PCDHA1: variants seen among roughly 807,000 people sequenced by gnomAD.
The protein encoded by PCDHA1 is protocadherin alpha-1.
In PCDHA1, 42 loss-of-function variants were observed where a neutral mutation model predicts 61.3. The observed-to-expected ratio is 0.69, with a 90% confidence interval of 0.54 to 0.89. The LOEUF (loss-of-function observed/expected upper bound fraction) is 0.89, where lower values mean the gene tolerates loss of function less well. Ranked by LOEUF, PCDHA1 falls within the 40% of genes least tolerant of loss-of-function variation. PCDHA1 has a pLI of 0.00. For missense variants in PCDHA1, 1,256 were observed against 1,235.3 expected, an observed-to-expected ratio of 1.02 and a Z score of -0.25; for synonymous variants, 610 against 553.8, an observed-to-expected ratio of 1.10 and a Z score of -1.43.
At chr5:140,864,304 A>G (rs2048411725) in intron 1 of PCDHA1, 1 of 152,230 alleles carries the variant, frequency 6.6e-6, no homozygotes, top group East Asian at 1.9e-4. Flanking sequence ...CAAAAATACC[A>G]TGACAATATT....
chr5:140,903,642 A>G (rs1583499752), intron 1 of PCDHA1, among the ~76,000 whole-genome samples: 2 of 152,374 alleles, frequency 1.3e-5, no homozygotes, highest in East Asian at 3.8e-4. Context: ...CATATACCAT[A>G]TACATATATT....
chr5:140,973,590 A>G (rs562109843), intron 1 of PCDHA1, among the ~76,000 whole-genome samples: 3 of 152,340 alleles, frequency 2.0e-5, no homozygotes, highest in Non-Finnish European at 4.4e-5. Context: ...GCTGAGCCAG[A>G]TGGAATTATG....
chr5:140,873,624 A>G lies in PCDHA1; in HGVS notation c.2394+84940A>G, dbSNP rs562277902. On this transcript the variant is annotated intron_variant, in intron 1 of 3. Transcript: ENST00000504120. The stretch of plus-strand genomic sequence containing the variant: ...TTCCTATTGGCTTAACAATTTGTTT[A>G]GGTCAAAGAGTATGTGAGAACTACA... Among the ~76,000 whole-genome samples the G allele has an allele frequency of 2.6e-5, 4 of 152,192 alleles. No homozygotes were observed. In the South Asian group the frequency reaches 8.3e-4, roughly 32 times the overall value.
intron 1 of PCDHA1, among the ~76,000 whole-genome samples, chr5:140,940,027 G>A (rs1554213088): frequency 6.6e-6 from 1 of 152,058 alleles, no homozygotes; most frequent in Non-Finnish European, 1.5e-5. Context: ...TATGTTTTAA[G>A]GCTATTTTAT....
intron 1 of PCDHA1, among the ~76,000 whole-genome samples, chr5:140,904,135 G>A (rs1310606905): frequency 6.6e-5 from 10 of 151,986 alleles, no homozygotes; most frequent in Non-Finnish European, 1.0e-4. Context: ...CCCATCACCC[G>A]AGCAGTATAC....
intron 1 of PCDHA1, chr5:140,870,490 G>A (rs372818492): frequency 7.8e-5 from 126 of 1,614,116 alleles, no homozygotes; most frequent in Non-Finnish European, 1.1e-4. Context: ...CACCGTGTTC[G>A]TGAAGGAGAA....
intron 1 of PCDHA1, chr5:140,870,813 C>A: frequency 3.7e-6 from 6 of 1,613,700 alleles, no homozygotes; most frequent in Non-Finnish European, 5.1e-6. Context: ...CTCAGGCTGG[C>A]AGCGCGGGAG....
rs2041307506 is a variant in PCDHA1 at position 140,850,030 on chromosome 5, C to A, written c.2394+61346C>A. 3.8e-6 allele frequency: 6 copies of A among 1,596,712 alleles called. 2 individuals carry two copies. The highest frequency in any genetic ancestry group is 5.1e-6 in the Non-Finnish European group (6 of 1,167,808). On this transcript the variant is annotated intron_variant, in intron 1 of 3. Coordinates refer to ENST00000504120, the MANE Select transcript of PCDHA1 (RefSeq NM_018900.4). ...CTGTCGAGCTACGTGTCAGTGCACG[C>A]GGAGAGCGGCAAGGTGTACGCGCTG...
chr5:140,869,176 G>C lies in PCDHA1; in HGVS notation c.2394+80492G>C, dbSNP rs200962401. The C allele has an allele frequency of 2.8e-5, 45 of 1,613,986 alleles. No individual in the cohort carries two copies. The East Asian group carries it at 9.6e-4, about 34-fold the overall frequency. On this transcript the variant is annotated intron_variant, in intron 1 of 3. Coordinates refer to ENST00000504120, the MANE Select transcript of PCDHA1 (RefSeq NM_018900.4). Reference sequence around the variant, plus strand: ...CTGGCTTCTCCTCCTCGAATTCTGGGAGGTGGGGAGCGGCCAGCTCCACTA... The same window carrying C: ...CTGGCTTCTCCTCCTCGAATTCTGGCAGGTGGGGAGCGGCCAGCTCCACTA...
At chr5:140,876,082 C>A in intron 1 of PCDHA1, 1 of 1,613,932 alleles carries the variant, frequency 6.2e-7, no homozygotes, top group Non-Finnish European at 8.5e-7. Context: ...GGACAGAGAG[C>A]AAACGCCAAA....
chr5:140,883,091 G>T, intron 1 of PCDHA1: 1 of 1,614,112 alleles, frequency 6.2e-7, no homozygotes, highest in Non-Finnish European at 8.5e-7. Context: ...TGGTACAAAT[G>T]GAGATATAGT....
At chr5:140,966,687 G>A in intron 1 of PCDHA1, 1 of 1,340,546 alleles carries the variant, frequency 7.5e-7, no homozygotes, top group East Asian at 2.9e-5. Flanking sequence ...ACGAGCGGAG[G>A]CGGGGCCCGG....
chr5:140,971,652 G>A (rs1554233517), intron 1 of PCDHA1, among the ~76,000 whole-genome samples: 1 of 152,134 alleles, frequency 6.6e-6, no homozygotes, highest in African/African-American at 2.4e-5. Context: ...ATTAAAAGTA[G>A]ATGGGAATTA....
chr5:140,868,277 C>T (rs1261614987), intron 1 of PCDHA1: 2 of 151,614 alleles, frequency 1.3e-5, no homozygotes, highest in Non-Finnish European at 2.9e-5. Flanking sequence ...TTAAAACTAC[C>T]AAGTTTGAGA....
chr5:140,855,491 A>AAG, intron 1 of PCDHA1, among the ~76,000 whole-genome samples: 1 of 149,140 alleles, frequency 6.7e-6, no homozygotes, highest in South Asian at 2.1e-4. Context: ...TTAGTGTCTA[A>AAG]ATAAACCTTA....
At chr5:140,903,545 CTT>C (rs1410531246) in intron 1 of PCDHA1, among the ~76,000 whole-genome samples, 2 of 152,130 alleles carry the variant, frequency 1.3e-5, no homozygotes, top group East Asian at 3.8e-4. Flanking sequence ...GAGCAAGAAA[CTT>C]TTCTAATAAG....
Position 140,917,330 on chromosome 5 carries a change from A to AG in PCDHA1, c.2395-61611dup, listed in dbSNP as rs1425400137. Among the ~76,000 whole-genome samples the AG allele has an allele frequency of 2.5e-4, 26 of 103,228 alleles. 2 individuals carry two copies. The highest frequency in any genetic ancestry group is 3.2e-4 in the East Asian group (1 of 3,132). The allele number at this position is 103,228 out of a possible 152,430, so 67.7% of individuals were successfully genotyped here. On this transcript the variant is annotated intron_variant, in intron 1 of 3. Coordinates refer to ENST00000504120, the MANE Select transcript of PCDHA1 (RefSeq NM_018900.4). Reference sequence around the variant, plus strand: ...CAATTTGGTGTTCATGTGGCGGGGGAGGGGGGGGATGGTGTAGGCTTCTGT... The same window carrying AG: ...CAATTTGGTGTTCATGTGGCGGGGGAGGGGGGGGGATGGTGTAGGCTTCTGT...
chr5:140,828,284 A>C (rs2150153622), intron 1 of PCDHA1: 17 of 1,613,938 alleles, frequency 1.1e-5, no homozygotes, highest in East Asian at 4.5e-5. Context: ...GCGCCTGTTC[A>C]GGATGGCCTC....
chr5:140,848,742 A>T (rs2150419290), intron 1 of PCDHA1: 2 of 1,593,114 alleles, frequency 1.3e-6, no homozygotes, highest in South Asian at 2.2e-5. Context: ...GCAGAATGGC[A>T]TTTTGTTTGT....
Sources: allele counts gnomAD v4.1 joint callset (sites outside exome capture counted in the v4.1 genomes callset), GRCh38; gene constraint gnomAD v4.1.1; transcripts MANE v1.5; gene names NCBI Gene and HGNC (gene_info 2026-07-23, HGNC 2026-07-21).